The following XPR1 variants were observed in gnomAD, a reference collection of about 807,000 sequenced individuals.
The protein encoded by XPR1 is solute carrier family 53 member 1.
In XPR1, 28 loss-of-function variants were observed where a neutral mutation model predicts 87.5. The observed-to-expected ratio is 0.32, with a 90% CI of 0.24 to 0.44. XPR1 has a LOEUF of 0.44. Among genes scored for constraint, XPR1 ranks in the 20% least tolerant of loss-of-function variants. XPR1 has a pLI of 1.00. For missense variants in XPR1, 559 were observed against 862.3 expected, an observed-to-expected ratio of 0.65 and a Z score of 4.41; for synonymous variants, 300 against 306.1, an observed-to-expected ratio of 0.98 and a Z score of 0.21.
chr1:180,712,861 A>AT (rs1156741533), intron 2 of XPR1, among the ~76,000 whole-genome samples: 16 of 151,788 alleles, frequency 1.1e-4, no homozygotes, highest in African/African-American at 3.9e-4. Flanking sequence ...GTTCATGTAT[A>AT]TGTAGGTCTA....
chr1:180,731,755 C>G (rs1240177118), intron 2 of XPR1, among the ~76,000 whole-genome samples: 1 of 152,184 alleles, frequency 6.6e-6, no homozygotes, highest in Non-Finnish European at 1.5e-5. Flanking sequence ...TTTATGCTGT[C>G]TTCAAAATCT....
At chr1:180,786,475 G>T (rs1331911448) in intron 2 of XPR1, among the ~76,000 whole-genome samples, 1 of 152,108 alleles carries the variant, frequency 6.6e-6, no homozygotes, top group Non-Finnish European at 1.5e-5. Flanking sequence ...CCAGGAATAG[G>T]ATAGTTCTGT....
rs184596110 is a variant in XPR1 at position 180,650,369 on chromosome 1, G to C, written c.69+18099G>C. Among the ~76,000 whole-genome samples the C allele has an allele frequency of 3.2e-3, 494 of 152,248 alleles. 3 individuals carry two copies. The highest frequency in any genetic ancestry group is 0.011 in the African/African-American group (469 of 41,536). On this transcript the variant is annotated intron_variant, in intron 1 of 14. Transcript: ENST00000367590. The stretch of plus-strand genomic sequence containing the variant: ...TCCTGCCTCAGCTTCCTGAGTAGCT[G>C]AGACTACAGGTGCACAGCACTATGC...
At chr1:180,690,600 CT>C (rs1271717766) in intron 2 of XPR1, among the ~76,000 whole-genome samples, 1 of 151,954 alleles carries the variant, frequency 6.6e-6, no homozygotes, top group African/African-American at 2.4e-5. Context: ...GCCAAGCTTC[CT>C]CTTGCAGTCT....
chr1:180,693,804 A>G (rs1657071184), intron 2 of XPR1, among the ~76,000 whole-genome samples: 1 of 152,250 alleles, frequency 6.6e-6, no homozygotes, highest in Non-Finnish European at 1.5e-5. Context: ...TGGACAATCC[A>G]GGATGATGTC....
At chr1:180,753,894 T>G (rs1293698392) in intron 2 of XPR1, among the ~76,000 whole-genome samples, 2 of 152,196 alleles carry the variant, frequency 1.3e-5, no homozygotes, top group East Asian at 3.8e-4. Flanking sequence ...TAGTACTATT[T>G]CCCACCATTC....
chr1:180,841,645 T>A (rs1178445607), intron 11 of XPR1, among the ~76,000 whole-genome samples: 3 of 152,174 alleles, frequency 2.0e-5, no homozygotes. Flanking sequence ...CAAGTATCGA[T>A]TAGAAATGTG....
intron 3 of XPR1, among the ~76,000 whole-genome samples, chr1:180,791,553 A>T (rs555240781): frequency 5.5e-5 from 8 of 146,054 alleles, no homozygotes; most frequent in Non-Finnish European, 1.0e-4. Context: ...CTTGGATTAC[A>T]GACATGTAGA....
chr1:180,650,370 A>C (rs1655255513), intron 1 of XPR1, among the ~76,000 whole-genome samples: 1 of 152,058 alleles, frequency 6.6e-6, no homozygotes, highest in Admixed American at 6.5e-5. Context: ...TGAGTAGCTG[A>C]GACTACAGGT....
chr1:180,838,437 G>A (rs1345406792), intron 11 of XPR1, among the ~76,000 whole-genome samples: 2 of 152,092 alleles, frequency 1.3e-5, no homozygotes, highest in Admixed American at 1.3e-4. Flanking sequence ...TATACTGATA[G>A]CATTCAGTAA....
chr1:180,861,989 T>A (rs1652237794), intron 11 of XPR1, among the ~76,000 whole-genome samples: 1 of 152,084 alleles, frequency 6.6e-6, no homozygotes, highest in East Asian at 1.9e-4. Flanking sequence ...ATTAATAAAA[T>A]TAAAAAGTAA....
intron 2 of XPR1, among the ~76,000 whole-genome samples, chr1:180,742,937 A>G (rs1344476814): frequency 6.6e-6 from 1 of 151,918 alleles, no homozygotes; most frequent in Non-Finnish European, 1.5e-5. Context: ...TGATATTAAT[A>G]GTTTCATCTT....
chr1:180,769,461 C>A (rs1229645925), intron 2 of XPR1, among the ~76,000 whole-genome samples: 11 of 136,168 alleles, frequency 8.1e-5, no homozygotes. Context: ...TCCTTTCTCT[C>A]TCTCTCTCTC....
At chr1:180,710,453 G>C (rs372908675) in intron 2 of XPR1, among the ~76,000 whole-genome samples, 1 of 151,982 alleles carries the variant, frequency 6.6e-6, no homozygotes, top group African/African-American at 2.4e-5. Flanking sequence ...CACATATTGC[G>C]CCGCCCTTAA....
At position 180,888,866 on chromosome 1, in the gene XPR1, G is replaced by T. The variant is rs1017730533; in HGVS notation, c.*4800G>T. On this transcript the variant is annotated 3_prime_UTR_variant, in exon 15 of 15. Transcript: ENST00000367590. ...GCATGAGAAATTTGCACTGGTTGGT[G>T]TTACAAACCAATGATCTAACCAGCA... is the stretch of plus-strand genomic sequence containing the variant. 1 of 152,178 alleles carries T rather than the reference G, an allele frequency of 6.6e-6. No homozygotes were observed. The highest frequency in any genetic ancestry group is 2.4e-5 in the African/African-American group (1 of 41,438). 9.4% of individuals were successfully genotyped at this position (152,178 alleles called of 1,614,324 possible). A position where few individuals can be genotyped will look rare whatever the true frequency, so the allele number is the denominator to read the frequency against.
intron 2 of XPR1, among the ~76,000 whole-genome samples, chr1:180,686,047 C>T (rs537659246): frequency 1.3e-5 from 2 of 152,104 alleles, no homozygotes; most frequent in South Asian, 4.1e-4. Context: ...TGTGTTTGCT[C>T]TTGCTTTTCT....
chr1:180,691,626 T>C (rs946076018), intron 2 of XPR1, among the ~76,000 whole-genome samples: 3 of 152,192 alleles, frequency 2.0e-5, no homozygotes, highest in Admixed American at 6.5e-5. Flanking sequence ...TCCAGTCTTG[T>C]GAACAGGTTT....
At chr1:180,703,387 G>T (rs1049360420) in intron 2 of XPR1, among the ~76,000 whole-genome samples, 1 of 152,136 alleles carries the variant, frequency 6.6e-6, no homozygotes, top group African/African-American at 2.4e-5. Context: ...CTATCTGCAG[G>T]CCTCTGGATA....
intron 1 of XPR1, among the ~76,000 whole-genome samples, chr1:180,632,842 TAA>T (rs1491508150): frequency 6.6e-6 from 1 of 152,258 alleles, no homozygotes; most frequent in Non-Finnish European, 1.5e-5. Context: ...AAACTTGACT[TAA>T]GTGTGTATCA....
Sources: gnomAD v4.1 joint callset for allele counts (sites outside exome capture counted in the v4.1 genomes callset) on GRCh38, gnomAD v4.1.1 for gene constraint, MANE v1.5 for transcripts, NCBI Gene and HGNC (gene_info 2026-07-23, HGNC 2026-07-21) for gene names.